CSMD3: variants seen among roughly 807,000 people sequenced by gnomAD.
The protein encoded by CSMD3 is CUB and Sushi multiple domains 3, also known as CUB and sushi domain-containing protein 3.
A neutral mutation model predicts 435.2 loss-of-function variants in CSMD3; 177 were observed. The observed-to-expected ratio is 0.41, with a 90% CI of 0.36 to 0.46. The LOEUF (loss-of-function observed/expected upper bound fraction) is 0.46. Ranked by LOEUF, CSMD3 falls within the 20% of genes least tolerant of loss-of-function variation. The probability of loss-of-function intolerance (pLI) is 0.34; values close to 1 mark genes in which losing one functional copy is unlikely to be tolerated. For missense variants in CSMD3, 4,265 were observed against 4,504.6 expected, an observed-to-expected ratio of 0.95 and a Z score of 1.52; for synonymous variants, 1,656 against 1,520.5, an observed-to-expected ratio of 1.09 and a Z score of -2.07.
At chr8:112,755,582 C>T (rs2077679983) in intron 13 of CSMD3, among the ~76,000 whole-genome samples, 1 of 150,456 alleles carries the variant, frequency 6.6e-6, no homozygotes, top group South Asian at 2.1e-4. Flanking sequence ...AAACCTCTTT[C>T]CTTTATAAAT....
intron 1 of CSMD3, among the ~76,000 whole-genome samples, chr8:113,405,194 T>C (rs779394061): frequency 1.8e-4 from 28 of 151,690 alleles, no homozygotes; most frequent in Middle Eastern, 6.8e-3. Context: ...AGAAAAATAG[T>C]TTGCATAATA....
intron 6 of CSMD3, among the ~76,000 whole-genome samples, chr8:112,984,815 T>C (rs978066576): frequency 1.8e-4 from 28 of 152,114 alleles, no homozygotes; most frequent in Non-Finnish European, 4.4e-5. Context: ...ATCTTTCTAA[T>C]ACCCTACTTT....
chr8:113,425,125 T>A (rs1239831849), intron 1 of CSMD3, among the ~76,000 whole-genome samples: 2 of 151,490 alleles, frequency 1.3e-5, no homozygotes, highest in African/African-American at 4.8e-5. Context: ...CAAAGAGTTC[T>A]AGAACTGATA....
At chr8:113,303,037 T>TAAGCTG (rs1164623054) in intron 2 of CSMD3, among the ~76,000 whole-genome samples, 1 of 93,378 alleles carries the variant, frequency 1.1e-5, no homozygotes, top group Non-Finnish European at 2.1e-5. Context: ...AAAATGTCCT[T>TAAGCTG]AAGCTGATAA....
At chr8:112,753,542 A>T (rs2077622554) in intron 13 of CSMD3, among the ~76,000 whole-genome samples, 1 of 152,190 alleles carries the variant, frequency 6.6e-6, no homozygotes, top group African/African-American at 2.4e-5. Flanking sequence ...AACACGGAAA[A>T]AGTAGTGTGC....
intron 6 of CSMD3, among the ~76,000 whole-genome samples, chr8:113,008,443 C>T (rs1433112741): frequency 6.6e-6 from 1 of 151,786 alleles, no homozygotes; most frequent in Non-Finnish European, 1.5e-5. Context: ...CTCACCTTAT[C>T]TGTTAAGGAT....
chr8:113,129,662 CTG>C (rs546538134), intron 4 of CSMD3, among the ~76,000 whole-genome samples: 9 of 152,220 alleles, frequency 5.9e-5, no homozygotes, highest in Admixed American at 4.6e-4. Flanking sequence ...TCACAGGACA[CTG>C]TGAGAATCAT....
intron 3 of CSMD3, among the ~76,000 whole-genome samples, chr8:113,206,819 AT>A (rs2092776239): frequency 6.6e-6 from 1 of 152,196 alleles, no homozygotes; most frequent in Non-Finnish European, 1.5e-5. Context: ...TATTCAGGGC[AT>A]TATCAATTCC....
chr8:113,208,826 G>T (rs1224420172), intron 3 of CSMD3, among the ~76,000 whole-genome samples: 1 of 151,930 alleles, frequency 6.6e-6, no homozygotes, highest in Non-Finnish European at 1.5e-5. Context: ...GAATATGTGT[G>T]TATATGTATA....
At chr8:112,690,984 G>A (rs1367096308) in intron 13 of CSMD3, among the ~76,000 whole-genome samples, 1 of 151,994 alleles carries the variant, frequency 6.6e-6, no homozygotes, top group Non-Finnish European at 1.5e-5. Flanking sequence ...CACTAGCATC[G>A]ATTTAATGTG....
intron 12 of CSMD3, among the ~76,000 whole-genome samples, chr8:112,829,037 T>C (rs1316411034): frequency 6.9e-6 from 1 of 145,954 alleles, no homozygotes; most frequent in South Asian, 2.2e-4. Context: ...GAGAAGAGAA[T>C]GAAAAGGAAA....
chr8:112,339,646 T>A (rs979752185), intron 42 of CSMD3, among the ~76,000 whole-genome samples: 2 of 152,154 alleles, frequency 1.3e-5, no homozygotes, highest in African/African-American at 4.8e-5. Flanking sequence ...CCAAACCTAA[T>A]AATCTTGTCA....
chr8:112,574,758 T>C (rs1006839937), intron 23 of CSMD3, among the ~76,000 whole-genome samples: 20 of 151,990 alleles, frequency 1.3e-4, no homozygotes, highest in Non-Finnish European at 1.8e-4. Flanking sequence ...TTCCATACTA[T>C]TTTGTTTCAT....
At chr8:113,144,196 C>G (rs758354838) in intron 4 of CSMD3, among the ~76,000 whole-genome samples, 30 of 150,824 alleles carry the variant, frequency 2.0e-4, no homozygotes, top group Non-Finnish European at 1.5e-4. Context: ...TTATGAGATC[C>G]TTAAATATGT....
At chr8:112,395,419 T>A (rs775322166) in intron 35 of CSMD3, among the ~76,000 whole-genome samples, 1 of 152,210 alleles carries the variant, frequency 6.6e-6, no homozygotes, top group Non-Finnish European at 1.5e-5. Flanking sequence ...GATAGATGAA[T>A]AAATGGATAA....
chr8:113,179,070 C>G (rs536321956), intron 3 of CSMD3, among the ~76,000 whole-genome samples: 1 of 151,600 alleles, frequency 6.6e-6, no homozygotes, highest in Admixed American at 6.6e-5. Context: ...TAATTTAATA[C>G]TAATTCAATG....
At chr8:113,090,795 T>C (rs2089976998) in intron 5 of CSMD3, among the ~76,000 whole-genome samples, 5 of 152,142 alleles carry the variant, frequency 3.3e-5, no homozygotes, top group Admixed American at 3.3e-4. Flanking sequence ...TTGTGAAATC[T>C]CAACCCTATT....
intron 36 of CSMD3, among the ~76,000 whole-genome samples, chr8:112,385,909 A>G (rs1829902543): frequency 1.3e-5 from 2 of 152,168 alleles, no homozygotes; most frequent in African/African-American, 4.8e-5. Flanking sequence ...TGGAGATATC[A>G]GGTTCTGATC....
intron 13 of CSMD3, among the ~76,000 whole-genome samples, chr8:112,758,649 T>C (rs2077761336): frequency 6.6e-6 from 1 of 152,156 alleles, no homozygotes. Context: ...AACTTTACTG[T>C]TCAACTTCAT....
Sources: gnomAD v4.1 joint callset for allele counts (sites outside exome capture counted in the v4.1 genomes callset) on GRCh38, gnomAD v4.1.1 for gene constraint, MANE v1.5 for transcripts, NCBI Gene and HGNC (gene_info 2026-07-23, HGNC 2026-07-21) for gene names.